TBC1D2B: variants seen among roughly 807,000 people sequenced by gnomAD.
TBC1D2B encodes the protein TBC1 domain family, member 2B.
TBC1D2B carries 64 observed loss-of-function variants against 100.8 expected under a neutral mutation model. The observed-to-expected ratio is 0.64, with a 90% CI of 0.52 to 0.78. TBC1D2B has a LOEUF of 0.78. TBC1D2B is among the 30% of genes least tolerant of loss of function. The pLI is 0.00. For missense variants in TBC1D2B, 1,052 were observed against 1,218.4 expected (o/e 0.86, Z 2.03); for synonymous variants, 480 against 479.7 (o/e 1.00, Z -0.01).
chr15:78,034,584 C>G (rs188173004), intron 3 of TBC1D2B: 1 of 984,972 alleles, frequency 1.0e-6, no homozygotes. Flanking sequence ...GGAGAGAGAA[C>G]AGTAATTTCA....
Position 78,003,404 on chromosome 15 carries a change from A to C in TBC1D2B, c.2475T>G (p.Thr825=), listed in dbSNP as rs766622220. The part of the protein sequence containing the change: ...GHFEQYKVDY[T]LITFNWFLVV... ...CCAGAAACCAGTTGAAAGTGATGAG[A>C]GTGTAGTCGACTTTGTACTGTTCAA... is the stretch of plus-strand genomic sequence containing the variant. Residue 825 remains threonine, a synonymous_variant, in exon 11 of 13, where the codon ACT becomes ACG. Transcript: ENST00000300584. 2.6e-5 allele frequency: 42 copies of C among 1,613,792 alleles called. No individual in the cohort carries two copies. Among genetic ancestry groups the C allele is most frequent in the Non-Finnish European group, 3.5e-5 (41 of 1,179,856 alleles).
intron 2 of TBC1D2B, among the ~76,000 whole-genome samples, chr15:78,052,230 G>A (rs78494424): frequency 0.03 from 4,583 of 152,142 alleles, 255 homozygotes; most frequent in African/African-American, 0.11. Flanking sequence ...CTAGTTCCTG[G>A]CCATCCTCCA....
Position 78,025,287 on chromosome 15 carries a change from T to C in TBC1D2B, c.1058A>G (p.Gln353Arg). ...CTGACTGGACAGGTCTTTCTTTAAC[T>C]GTTCCAGCTCTTCCTGCTGGCTCTG... ...QVQSQQEELEQLKKDLSSQKE... is the reference protein window; with the variant it reads ...QVQSQQEELERLKKDLSSQKE... Residue 353 changes from glutamine to arginine, a missense_variant, in exon 5 of 13, where the codon CAG (glutamine) becomes CGG (arginine). Physicochemically the swap from Gln to Arg is conservative, Grantham distance 43 (BLOSUM62 1). Around this residue, in one of 4 missense-constraint regions of TBC1D2B, gnomAD observed 627 missense variants for 646.1 expected, o/e 0.97. Coordinates refer to ENST00000300584, the MANE Select transcript of TBC1D2B (RefSeq NM_144572.2). 1 of 1,613,804 alleles carries C rather than the reference T, an allele frequency of 6.2e-7. No homozygotes were observed.
At chr15:78,015,691 C>T (rs183844428) in intron 8 of TBC1D2B, among the ~76,000 whole-genome samples, 1 of 152,322 alleles carries the variant, frequency 6.6e-6, no homozygotes, top group Admixed American at 6.5e-5. Context: ...TCCGCTTCTT[C>T]ACTTGTAAAG....
intron 1 of TBC1D2B, among the ~76,000 whole-genome samples, chr15:78,076,011 C>T (rs4886555): frequency 0.21 from 32,211 of 152,010 alleles, 3,692 homozygotes; most frequent in East Asian, 0.36. Context: ...ACCTGGAATA[C>T]GGAAGAGGAG....
At chr15:78,028,392 A>G (rs1403757794) in intron 4 of TBC1D2B, among the ~76,000 whole-genome samples, 1 of 152,154 alleles carries the variant, frequency 6.6e-6, no homozygotes, top group Non-Finnish European at 1.5e-5. Flanking sequence ...GAATCGCTTA[A>G]CCCGGAAGGC....
chr15:78,051,365 G>C (rs1326309189), intron 2 of TBC1D2B, among the ~76,000 whole-genome samples: 1 of 152,158 alleles, frequency 6.6e-6, no homozygotes, highest in African/African-American at 2.4e-5. Flanking sequence ...GAAGAGGGGT[G>C]AACAAACTTC....
At position 78,020,935 on chromosome 15, in the gene TBC1D2B, A is replaced by C. The variant is rs908445102; in HGVS notation, c.1471-2978T>G. 6.6e-5 allele frequency among the ~76,000 whole-genome samples: 10 copies of C among 152,368 alleles called. No individual in the cohort carries two copies. The East Asian group carries it at 1.9e-3, about 29-fold the overall frequency. On this transcript the variant is annotated intron_variant, in intron 6 of 12. Transcript: ENST00000300584. The stretch of plus-strand genomic sequence containing the variant: ...AAGTAAATGATAACACAAAGGATGG[A>C]CAACACTGAAATCGCTAATGAAAGC...
intron 1 of TBC1D2B, among the ~76,000 whole-genome samples, chr15:78,064,851 C>T (rs145866106): frequency 1.3e-5 from 2 of 152,302 alleles, no homozygotes; most frequent in South Asian, 2.1e-4. Flanking sequence ...GATCTCCTGG[C>T]TCCTTGGAAA....
intron 12 of TBC1D2B, 160 bp from the exon 13 acceptor site, chr15:77,998,515 G>A (rs566749684): frequency 3.3e-6 from 2 of 606,478 alleles, no homozygotes; most frequent in South Asian, 4.7e-5. Flanking sequence ...TCTGTAGAGA[G>A]GTGACAAAGC....
intron 8 of TBC1D2B, 140 bp downstream of exon 8, chr15:78,016,406 T>C: frequency 2.7e-6 from 2 of 745,598 alleles, no homozygotes. Flanking sequence ...ACATTACCGT[T>C]CTGCTGACCT....
At position 78,017,960 on chromosome 15, in the gene TBC1D2B, GTT is replaced by G; in HGVS notation, c.1471-5_1471-4del. ...GTTTTGTACCCCTGTAGATTATCCTGTTAGAAAAAAAAAAAATCCCTGAATTC... is the reference window on the plus strand; with the variant it reads ...GTTTTGTACCCCTGTAGATTATCCTGAGAAAAAAAAAAAATCCCTGAATTC... On this transcript the variant is annotated splice_region_variant and splice_polypyrimidine_tract_variant and intron_variant, in intron 6 of 12. Coordinates refer to ENST00000300584, the MANE Select transcript of TBC1D2B (RefSeq NM_144572.2). The G allele has an allele frequency of 6.7e-7, 1 of 1,489,614 alleles. No homozygotes were observed. Among genetic ancestry groups the G allele is most frequent in the Admixed American group, 2.1e-5 (1 of 48,400 alleles). The allele number at this position is 1,489,614 out of a possible 1,614,324, so 92.3% of individuals were successfully genotyped here. A position where few individuals can be genotyped will look rare whatever the true frequency, so the allele number is the denominator to read the frequency against.
chr15:78,062,992 A>T (rs2141830550), intron 1 of TBC1D2B, among the ~76,000 whole-genome samples: 1 of 152,266 alleles, frequency 6.6e-6, no homozygotes, highest in South Asian at 2.1e-4. Context: ...GGTAAAATTG[A>T]AATAATAATA....
At position 78,017,931 on chromosome 15, in the gene TBC1D2B, T is replaced by C. The variant is rs2141673417; in HGVS notation, c.1497A>G (p.Gln499=). 9 of 1,607,444 alleles carry C rather than the reference T, an allele frequency of 5.6e-6. No individual in the cohort carries two copies. Among genetic ancestry groups the C allele is most frequent in the Non-Finnish European group, 7.7e-6 (9 of 1,176,360 alleles). ...LKDNLQGYKT[Q]NKFLNKEILE... ...AAATCTCCTTATTTAGAAATTTGTT[T>C]TGGGTTTTGTACCCCTGTAGATTAT... Residue 499 remains glutamine (Q), a synonymous_variant, in exon 7 of 13, where the codon CAA becomes CAG. Transcript: ENST00000300584.
intron 9 of TBC1D2B, among the ~76,000 whole-genome samples, chr15:78,009,671 G>C (rs1159587805): frequency 1.3e-5 from 2 of 152,106 alleles, no homozygotes; most frequent in Non-Finnish European, 2.9e-5. Context: ...TTAAAAAAAA[G>C]TTTTCATTAT....
At chr15:78,035,414 C>T (rs923595718) in intron 3 of TBC1D2B, among the ~76,000 whole-genome samples, 1 of 152,202 alleles carries the variant, frequency 6.6e-6, no homozygotes, top group South Asian at 2.1e-4. Context: ...CTCCACAAAC[C>T]GCCTGCACAG....
At chr15:78,024,636 T>C in intron 5 of TBC1D2B, 97 bp from the exon 6 acceptor site, 4 of 1,180,052 alleles carry the variant, frequency 3.4e-6, no homozygotes, top group Non-Finnish European at 4.6e-6. Flanking sequence ...CGACAGAGTT[T>C]GAGGAAATGT....
At chr15:78,013,425 T>C in intron 8 of TBC1D2B, 108 bp from the exon 9 acceptor site, 3 of 1,048,020 alleles carry the variant, frequency 2.9e-6, no homozygotes, top group South Asian at 3.4e-5. Flanking sequence ...ACGTGGTACT[T>C]TGAACTATGA....
At chr15:78,069,095 G>A (rs1477269018) in intron 1 of TBC1D2B, among the ~76,000 whole-genome samples, 1 of 151,754 alleles carries the variant, frequency 6.6e-6, no homozygotes. Context: ...GTGGCTCAAA[G>A]GTAAAAGCAA....
Sources: gnomAD v4.1 joint callset for allele counts (sites outside exome capture counted in the v4.1 genomes callset) on GRCh38, gnomAD v4.1.1 for gene constraint, gnomAD v4.1.1 regional missense constraint, MANE v1.5 for transcripts, NCBI Gene and HGNC (gene_info 2026-07-23, HGNC 2026-07-21) for gene names.